MYO1D: variants seen among roughly 807,000 people sequenced by gnomAD.
The protein encoded by MYO1D is unconventional myosin-Id.
In MYO1D, 83 loss-of-function variants were observed where a neutral mutation model predicts 122.0. The ratio of observed to expected loss-of-function variants is 0.68; its 90% CI spans 0.57 to 0.82. MYO1D has a LOEUF of 0.82. MYO1D is among the 40% of genes least tolerant of loss of function. MYO1D has a pLI of 0.00. For missense variants in MYO1D, 1,157 were observed against 1,269.5 expected (o/e 0.91, Z 1.35); for synonymous variants, 464 against 446.9 (o/e 1.04, Z -0.48).
chr17:32,847,201 T>C (rs2090946230), intron 1 of MYO1D, among the ~76,000 whole-genome samples: 1 of 152,212 alleles, frequency 6.6e-6, no homozygotes, highest in Non-Finnish European at 1.5e-5. Flanking sequence ...ATGAGTTAGA[T>C]ACAGAATGTC....
chr17:32,694,032 A>G (rs1415412956), intron 16 of MYO1D, among the ~76,000 whole-genome samples: 1 of 152,196 alleles, frequency 6.6e-6, no homozygotes, highest in Non-Finnish European at 1.5e-5. Flanking sequence ...TTTTTTCCCC[A>G]TAGTAAGTTC....
chr17:32,716,543 G>A (rs1360643710), intron 15 of MYO1D, among the ~76,000 whole-genome samples: 4 of 152,180 alleles, frequency 2.6e-5, no homozygotes, highest in Non-Finnish European at 5.9e-5. Flanking sequence ...CTTGCTAGAT[G>A]GGGGCAGAGA....
At chr17:32,520,629 C>T (rs527942081) in intron 21 of MYO1D, among the ~76,000 whole-genome samples, 1 of 152,134 alleles carries the variant, frequency 6.6e-6, no homozygotes, top group South Asian at 2.1e-4. Flanking sequence ...CTGCCCTGCT[C>T]GCGCTGCTGT....
At chr17:32,644,610 C>T (rs1442236309) in intron 19 of MYO1D, among the ~76,000 whole-genome samples, 1 of 152,156 alleles carries the variant, frequency 6.6e-6, no homozygotes, top group East Asian at 1.9e-4. Context: ...ATATTGGGTG[C>T]ATATATATTT....
chr17:32,525,639 A>T (rs1024423789), intron 21 of MYO1D, among the ~76,000 whole-genome samples: 6 of 152,142 alleles, frequency 3.9e-5, no homozygotes, highest in Non-Finnish European at 8.8e-5. Context: ...CATTTATTTC[A>T]ACTTTCAGGA....
intron 21 of MYO1D, among the ~76,000 whole-genome samples, chr17:32,522,183 T>G (rs1222430300): frequency 6.6e-6 from 1 of 151,232 alleles, no homozygotes; most frequent in African/African-American, 2.4e-5. Context: ...AGCAAATAAT[T>G]AAAATTAATC....
intron 1 of MYO1D, among the ~76,000 whole-genome samples, chr17:32,788,996 G>GT (rs1841511269): frequency 1.6e-5 from 2 of 128,724 alleles, no homozygotes; most frequent in Non-Finnish European, 1.7e-5. Flanking sequence ...AAGTTTTTTT[G>GT]TTTTTTGTTT....
At chr17:32,662,909 CTTTCT>C (rs1235156217) in intron 16 of MYO1D, among the ~76,000 whole-genome samples, 3 of 135,852 alleles carry the variant, frequency 2.2e-5, no homozygotes, top group Non-Finnish European at 4.6e-5. Flanking sequence ...GGTCGTGCTA[CTTTCT>C]TTTCTTTTTT....
intron 21 of MYO1D, among the ~76,000 whole-genome samples, chr17:32,503,445 G>A (rs1188561164): frequency 4.6e-5 from 7 of 152,234 alleles, no homozygotes; most frequent in Non-Finnish European, 1.0e-4. Context: ...CCCTGTGAGA[G>A]TGGGGGTGAT....
intron 1 of MYO1D, among the ~76,000 whole-genome samples, chr17:32,813,662 G>A (rs981417916): frequency 1.3e-5 from 2 of 152,218 alleles, no homozygotes; most frequent in African/African-American, 4.8e-5. Context: ...GAAAACTAGA[G>A]AAAAGAGAGG....
chr17:32,788,025 T>C (rs1406107789), intron 1 of MYO1D, among the ~76,000 whole-genome samples: 1 of 152,206 alleles, frequency 6.6e-6, no homozygotes, highest in Non-Finnish European at 1.5e-5. Flanking sequence ...GTTTCATATT[T>C]TTGCAATTGC....
intron 16 of MYO1D, among the ~76,000 whole-genome samples, chr17:32,685,783 A>G (rs1333328237): frequency 6.6e-6 from 1 of 152,260 alleles, no homozygotes; most frequent in African/African-American, 2.4e-5. Flanking sequence ...TTGCTAACTT[A>G]GCTTTAAGTT....
At chr17:32,816,962 T>A (rs992685793) in intron 1 of MYO1D, among the ~76,000 whole-genome samples, 13 of 151,952 alleles carry the variant, frequency 8.6e-5, no homozygotes, top group Non-Finnish European at 1.3e-4. Flanking sequence ...GAATAAAAAG[T>A]TTTTGGTGAG....
At chr17:32,549,589 C>T (rs1244357526) in intron 21 of MYO1D, among the ~76,000 whole-genome samples, 1 of 152,160 alleles carries the variant, frequency 6.6e-6, no homozygotes, top group African/African-American at 2.4e-5. Flanking sequence ...ACATAGCTAA[C>T]GTTTGGAGAG....
chr17:32,742,565 A>T (rs1322514629), intron 13 of MYO1D, among the ~76,000 whole-genome samples: 2 of 152,228 alleles, frequency 1.3e-5, no homozygotes, highest in African/African-American at 4.8e-5. Context: ...TGGCCAAATA[A>T]GGCTGTTTTT....
intron 11 of MYO1D, among the ~76,000 whole-genome samples, chr17:32,752,541 G>C (rs1408109113): frequency 6.6e-6 from 1 of 152,040 alleles, no homozygotes; most frequent in Non-Finnish European, 1.5e-5. Context: ...CTAATATTCA[G>C]AATCTACAAG....
intron 21 of MYO1D, among the ~76,000 whole-genome samples, chr17:32,547,756 G>A (rs2150882203): frequency 6.6e-6 from 1 of 152,310 alleles, no homozygotes; most frequent in East Asian, 1.9e-4. Context: ...AGACCAGCCT[G>A]GCCAACATGG....
intron 1 of MYO1D, among the ~76,000 whole-genome samples, chr17:32,828,088 G>C (rs920756170): frequency 4.6e-5 from 7 of 152,182 alleles, no homozygotes; most frequent in African/African-American, 1.7e-4. Context: ...TTCAAGTTAA[G>C]GATGAGTGAA....
At chr17:32,606,811 C>T (rs2087633457) in intron 20 of MYO1D, among the ~76,000 whole-genome samples, 1 of 152,196 alleles carries the variant, frequency 6.6e-6, no homozygotes, top group Non-Finnish European at 1.5e-5. Flanking sequence ...ACTGTCACTG[C>T]AGCTATGCAA....
Sources: gnomAD v4.1 joint callset for allele counts (sites outside exome capture counted in the v4.1 genomes callset) on GRCh38, gnomAD v4.1.1 for gene constraint, MANE v1.5 for transcripts, NCBI Gene and HGNC (gene_info 2026-07-23, HGNC 2026-07-21) for gene names.